Variants in LRP1B observed in about 807,000 individuals in gnomAD.
The protein encoded by LRP1B is low-density lipoprotein receptor-related protein 1B.
LRP1B carries 217 observed loss-of-function variants against 556.6 expected under a neutral mutation model. The ratio of observed to expected loss-of-function variants is 0.39; its 90% confidence interval spans 0.35 to 0.44. The LOEUF is 0.44. Among genes scored for constraint, LRP1B ranks in the 20% least tolerant of loss-of-function variants. LRP1B has a pLI of 1.00. For synonymous variants in LRP1B, 2,047 were observed against 1,865.8 expected (o/e 1.10, Z -2.50); for missense variants, 5,053 against 5,620.8 (o/e 0.90, Z 3.23).
intron 2 of LRP1B, among the ~76,000 whole-genome samples, chr2:141,607,876 T>G (rs951805654): frequency 6.6e-6 from 1 of 152,090 alleles, no homozygotes; most frequent in Non-Finnish European, 1.5e-5. Context: ...AGAACTGTAA[T>G]CATGCCACTG....
At chr2:141,413,727 C>CA (rs199704115) in intron 3 of LRP1B, among the ~76,000 whole-genome samples, 1 of 150,542 alleles carries the variant, frequency 6.6e-6, no homozygotes, top group Non-Finnish European at 1.5e-5. Flanking sequence ...ACAAAAAATG[C>CA]AAAAAAATTA....
intron 32 of LRP1B, among the ~76,000 whole-genome samples, chr2:140,783,770 T>C (rs1489300853): frequency 6.6e-6 from 1 of 152,086 alleles, no homozygotes; most frequent in Non-Finnish European, 1.5e-5. Context: ...GAATCCAGAG[T>C]ACACTGCCAA....
intron 3 of LRP1B, among the ~76,000 whole-genome samples, chr2:141,367,574 C>T (rs1159333886): frequency 6.7e-6 from 1 of 149,798 alleles, no homozygotes; most frequent in Admixed American, 6.7e-5. Context: ...GCTCCGCCTC[C>T]CCAGTTCTCA....
At chr2:141,042,606 A>G (rs1211082992) in intron 11 of LRP1B, among the ~76,000 whole-genome samples, 1 of 152,064 alleles carries the variant, frequency 6.6e-6, no homozygotes, top group East Asian at 1.9e-4. Flanking sequence ...ACTTTGAGAA[A>G]AGACTTCACC....
intron 16 of LRP1B, among the ~76,000 whole-genome samples, chr2:140,990,939 G>A (rs1256407786): frequency 6.6e-6 from 1 of 152,060 alleles, no homozygotes; most frequent in African/African-American, 2.4e-5. Flanking sequence ...GCAAATGCGT[G>A]CATTTCCAGT....
intron 66 of LRP1B, among the ~76,000 whole-genome samples, chr2:140,403,513 TAGA>T (rs1336956486): frequency 1.3e-5 from 2 of 152,108 alleles, no homozygotes; most frequent in Non-Finnish European, 2.9e-5. Context: ...CTAGAACTAG[TAGA>T]AGAAGGAACT....
chr2:140,992,738 G>A (rs1458352992), intron 16 of LRP1B: 6 of 152,002 alleles, frequency 3.9e-5, no homozygotes, highest in Non-Finnish European at 7.4e-5. Flanking sequence ...ACTCATTTAT[G>A]TAAATTAGGA....
chr2:141,263,603 G>A (rs1413474093), intron 3 of LRP1B, among the ~76,000 whole-genome samples: 2 of 152,058 alleles, frequency 1.3e-5, no homozygotes, highest in Non-Finnish European at 2.9e-5. Context: ...AACTAATTCT[G>A]CATAAGCCCT....
chr2:141,447,667 C>G (rs992606413), intron 3 of LRP1B, among the ~76,000 whole-genome samples: 2 of 152,180 alleles, frequency 1.3e-5, no homozygotes, highest in African/African-American at 4.8e-5. Context: ...AACAGCCAGG[C>G]CCCTCTGCTG....
chr2:140,935,818 T>C (rs1056226197), intron 20 of LRP1B, among the ~76,000 whole-genome samples: 1 of 151,964 alleles, frequency 6.6e-6, no homozygotes, highest in Non-Finnish European at 1.5e-5. Context: ...AGATTTTTCA[T>C]TGGAAGCTTG....
At chr2:141,328,500 T>G (rs1205731622) in intron 3 of LRP1B, among the ~76,000 whole-genome samples, 1 of 152,218 alleles carries the variant, frequency 6.6e-6, no homozygotes, top group African/African-American at 2.4e-5. Flanking sequence ...GGTTTTAGGT[T>G]CCTATAGTCT....
intron 37 of LRP1B, among the ~76,000 whole-genome samples, chr2:140,712,074 C>T (rs1687048397): frequency 6.6e-6 from 1 of 152,110 alleles, no homozygotes; most frequent in African/African-American, 2.4e-5. Context: ...ACCTTTGTCC[C>T]TAACAGCTCA....
intron 41 of LRP1B, among the ~76,000 whole-genome samples, chr2:140,684,592 T>C (rs181419164): frequency 1.5e-3 from 221 of 152,328 alleles, no homozygotes; most frequent in African/African-American, 4.7e-3. Context: ...AGATTACAGA[T>C]ACATTTTGTT....
intron 23 of LRP1B, among the ~76,000 whole-genome samples, chr2:140,897,548 A>G (rs1693988384): frequency 6.6e-6 from 1 of 152,116 alleles, no homozygotes; most frequent in Non-Finnish European, 1.5e-5. Flanking sequence ...GCCAAAGGAG[A>G]TTAACATTTG....
At chr2:141,728,109 TC>T (rs1693113082) in intron 2 of LRP1B, among the ~76,000 whole-genome samples, 1 of 152,140 alleles carries the variant, frequency 6.6e-6, no homozygotes, top group Admixed American at 6.6e-5. Flanking sequence ...GGTGAAATGT[TC>T]CGCTGGAGAG....
chr2:141,547,039 C>T lies in LRP1B; in HGVS notation c.206-66506G>A, dbSNP rs550143033. On this transcript the variant is annotated intron_variant, in intron 2 of 90. Transcript: ENST00000389484. Reference sequence around the variant, plus strand: ...AAATGGAAACCTTCAGTTTTAACATCTTTTGTTGTCTAAGCTGGAATTTCC... The same window carrying T: ...AAATGGAAACCTTCAGTTTTAACATTTTTTGTTGTCTAAGCTGGAATTTCC... Among the ~76,000 whole-genome samples, 29 of 152,250 alleles carry T rather than the reference C, an allele frequency of 1.9e-4. No individual in the cohort carries two copies. The South Asian group carries it at 5.8e-3, about 30-fold the overall frequency.
rs186139713 is a variant in LRP1B, at chr2:141,989,688, C to T, written c.82+140960G>A. On this transcript the variant is annotated intron_variant, in intron 1 of 90. Transcript: ENST00000389484. ...CTGTTCTTGTGGTAGTGAGTTCTCA[C>T]GAGATCTGATGGTTTTATAATGGCT... is the stretch of plus-strand genomic sequence containing the variant. Among the ~76,000 whole-genome samples, 313 of 151,980 alleles carry T rather than the reference C, an allele frequency of 2.1e-3. 2 individuals carry two copies. The highest frequency in any genetic ancestry group is 7.1e-3 in the African/African-American group (295 of 41,496).
chr2:140,903,722 T>A (rs75765595), intron 22 of LRP1B, among the ~76,000 whole-genome samples: 5,331 of 152,024 alleles, frequency 0.035, 125 homozygotes, highest in Middle Eastern at 0.051. Context: ...CATTTATTTT[T>A]AAGTTAGGTG....
chr2:141,241,567 A>G (rs1330130204), intron 5 of LRP1B, among the ~76,000 whole-genome samples: 1 of 151,876 alleles, frequency 6.6e-6, no homozygotes, highest in African/African-American at 2.4e-5. Flanking sequence ...TATTCTATTC[A>G]CCTTTGAATC....
Sources: allele counts gnomAD v4.1 joint callset (sites outside exome capture counted in the v4.1 genomes callset), GRCh38; gene constraint gnomAD v4.1.1; transcripts MANE v1.5; gene names NCBI Gene and HGNC (gene_info 2026-07-23, HGNC 2026-07-21).